NR1D2: variants seen among roughly 807,000 people sequenced by gnomAD.
NR1D2 encodes V-erbA-related protein 1-related.
In NR1D2, 25 loss-of-function variants were observed where a neutral mutation model predicts 52.2. That is an observed-to-expected ratio of 0.48 (90% CI 0.35 to 0.67). The LOEUF is 0.67. Ranked by LOEUF, NR1D2 falls within the 30% of genes least tolerant of loss-of-function variation. NR1D2 has a pLI of 0.01. For synonymous variants in NR1D2, 259 were observed against 230.1 expected, an observed-to-expected ratio of 1.13 and a Z score of -1.14; for missense variants, 681 against 707.2, an observed-to-expected ratio of 0.96 and a Z score of 0.42.
At chr3:23,967,610 C>G (rs1706483786) in intron 6 of NR1D2, among the ~76,000 whole-genome samples, 1 of 151,882 alleles carries the variant, frequency 6.6e-6, no homozygotes, top group Non-Finnish European at 1.5e-5. Context: ...GAACGAAACT[C>G]CATGTCAAAA....
rs373060067 is a variant in NR1D2 at position 23,950,232 on chromosome 3, G to A, written c.17-4305G>A. On this transcript the variant is annotated intron_variant, in intron 1 of 7. Transcript: ENST00000312521. ...TTCCAATTTTATAGAAGACCACTCA[G>A]GTTTAGAAAGATTGAAAGTGACTTG... Among the ~76,000 whole-genome samples, 14 of 152,340 alleles carry A rather than the reference G, an allele frequency of 9.2e-5. 1 individual carries two copies. In the South Asian group the frequency reaches 1.7e-3, roughly 18 times the overall value.
Position 23,959,711 on chromosome 3 carries a change from A to G in NR1D2, c.413A>G (p.Lys138Arg), listed in dbSNP as rs1263817134. The change falls in exon 4 of 8, where the codon AAG becomes AGG. Residue 138 changes from lysine to arginine, a missense_variant. By Grantham distance (26) the Lys-to-Arg change is conservative (BLOSUM62 2). Transcript: ENST00000312521. Reference sequence around the variant, plus strand: ...AGTATTCAACAAAACATCCAGTACAAGAAGTGCCTGAAGAATGAAAACTGT... The same window carrying G: ...AGTATTCAACAAAACATCCAGTACAGGAAGTGCCTGAAGAATGAAAACTGT... Reference protein sequence around the residue: ...RRSIQQNIQYKKCLKNENCSI... With the variant: ...RRSIQQNIQYRKCLKNENCSI... 2 of 1,613,920 alleles carry G rather than the reference A, an allele frequency of 1.2e-6. No homozygotes were observed. Among genetic ancestry groups the G allele is most frequent in the Non-Finnish European group, 1.7e-6 (2 of 1,179,928 alleles).
intron 7 of NR1D2, among the ~76,000 whole-genome samples, chr3:23,975,927 A>T (rs1038452284): frequency 6.6e-6 from 1 of 152,158 alleles, no homozygotes; most frequent in African/African-American, 2.4e-5. Context: ...ATATCCTTGT[A>T]AAAAAACGAA....
intron 7 of NR1D2, 133 bp downstream of exon 7, chr3:23,968,156 C>A: frequency 1.5e-6 from 1 of 664,224 alleles, no homozygotes; most frequent in South Asian, 1.9e-5. Flanking sequence ...AATTGTATGA[C>A]CCTGTTATTT....
chr3:23,957,390 C>CT (rs201651739), intron 3 of NR1D2, among the ~76,000 whole-genome samples: 2,945 of 110,362 alleles, frequency 0.027, 101 homozygotes, highest in African/African-American at 0.067. Flanking sequence ...CTCTATATAT[C>CT]TTTTTTTTTT....
Position 23,954,555 on chromosome 3 carries a change from TCA to T in NR1D2, c.36_37del (p.Ile12MetfsTer15). The stretch of plus-strand genomic sequence containing the variant: ...TTTCTAGGAGGTGTGATTGCCTATA[TCA>T]GTTCTTCCAGCTCAGCCTCAAGCCC... On this transcript the variant is annotated frameshift_variant, in exon 2 of 8. Transcript: ENST00000312521. LOFTEE classifies it high-confidence loss of function. The T allele has an allele frequency of 6.2e-7, 1 of 1,614,104 alleles. No individual in the cohort carries two copies. Among genetic ancestry groups the T allele is most frequent in the Non-Finnish European group, 8.5e-7 (1 of 1,179,958 alleles).
chr3:23,946,053 G>T (rs1705686976), intron 1 of NR1D2: 3 of 970,308 alleles, frequency 3.1e-6, no homozygotes, highest in Middle Eastern at 5.2e-4. Context: ...GCGCTGGCTG[G>T]GAGCGCCGCA....
At chr3:23,953,662 A>C (rs1212581833) in intron 1 of NR1D2, among the ~76,000 whole-genome samples, 1 of 152,134 alleles carries the variant, frequency 6.6e-6, no homozygotes, top group Non-Finnish European at 1.5e-5. Flanking sequence ...CCAAAACAGA[A>C]AGGTGTGGGA....
chr3:23,975,880 C>CTT (rs1559339412), intron 7 of NR1D2, among the ~76,000 whole-genome samples: 1 of 151,946 alleles, frequency 6.6e-6, no homozygotes, highest in African/African-American at 2.4e-5. Flanking sequence ...GGCAAATGAC[C>CTT]TTTTTCAGCT....
At chr3:23,961,179 G>A (rs1439429742) in intron 4 of NR1D2, among the ~76,000 whole-genome samples, 4 of 151,978 alleles carry the variant, frequency 2.6e-5, no homozygotes, top group East Asian at 1.9e-4. Flanking sequence ...TGAGAGCAAA[G>A]TTACAAAAAT....
chr3:23,964,159 A>G (rs1291329510), intron 5 of NR1D2, among the ~76,000 whole-genome samples: 1 of 150,760 alleles, frequency 6.6e-6, no homozygotes, highest in African/African-American at 2.4e-5. Context: ...GCTCACTGCA[A>G]CCTCCGCCTC....
chr3:23,962,355 A>T lies in NR1D2; in HGVS notation c.896A>T (p.Asp299Val), dbSNP rs150707682. 22 of 1,614,170 alleles carry T rather than the reference A, an allele frequency of 1.4e-5. No homozygotes were observed. Among genetic ancestry groups the T allele is most frequent in the Non-Finnish European group, 1.9e-5 (22 of 1,180,016 alleles). ...KNMEQYNLNH[D>V]HCGNGLSSHF... Reference sequence around the variant, plus strand: ...ATGGAGCAATATAATTTAAATCATGATCATTGCGGCAATGGGCTTAGCAGC... The same window carrying T: ...ATGGAGCAATATAATTTAAATCATGTTCATTGCGGCAATGGGCTTAGCAGC... Residue 299 changes from aspartate to valine, a missense_variant, in exon 5 of 8, where the codon GAT (aspartate) becomes GTT (valine). By Grantham distance (152) the Asp-to-Val change is radical (BLOSUM62 -3). Transcript: ENST00000312521.
chr3:23,966,271 A>T (rs567512313), intron 6 of NR1D2, among the ~76,000 whole-genome samples: 2 of 152,354 alleles, frequency 1.3e-5, no homozygotes, highest in South Asian at 4.1e-4. Context: ...TGGATTTATT[A>T]TAACGGAGGG....
intron 1 of NR1D2, among the ~76,000 whole-genome samples, chr3:23,947,745 G>A (rs143915089): frequency 8.3e-4 from 126 of 152,322 alleles, no homozygotes; most frequent in East Asian, 3.5e-3. Flanking sequence ...TTGGCCTTAA[G>A]TTCAAAGCTG....
chr3:23,948,250 G>C (rs1485000679), intron 1 of NR1D2, among the ~76,000 whole-genome samples: 1 of 152,196 alleles, frequency 6.6e-6, no homozygotes, highest in African/African-American at 2.4e-5. Flanking sequence ...CATTCAACCA[G>C]TGATCCTGTA....
At chr3:23,958,901 A>G (rs1706157732) in intron 3 of NR1D2, among the ~76,000 whole-genome samples, 1 of 152,212 alleles carries the variant, frequency 6.6e-6, no homozygotes, top group Non-Finnish European at 1.5e-5. Context: ...GTGAGCTGAG[A>G]TCGCACCACT....
At chr3:23,966,543 A>G (rs1417229206) in intron 6 of NR1D2, among the ~76,000 whole-genome samples, 1 of 152,246 alleles carries the variant, frequency 6.6e-6, no homozygotes, top group Non-Finnish European at 1.5e-5. Context: ...TTGGCAGCCT[A>G]AAGAGATTCT....
rs117428384 is a variant in NR1D2, at chr3:23,956,401, G to A, written c.372+276G>A. On this transcript the variant is annotated intron_variant, in intron 3 of 7. Transcript: ENST00000312521. ...TTGTGTTAAACCAAGTGCACCAAATGCTCATTCATTAATGTGTCAAGCACA... is the reference window on the plus strand; with the variant it reads ...TTGTGTTAAACCAAGTGCACCAAATACTCATTCATTAATGTGTCAAGCACA... Among the ~76,000 whole-genome samples the A allele has an allele frequency of 2.1e-3, 312 of 152,156 alleles. 4 individuals carry two copies. The East Asian group carries it at 0.022, about 11-fold the overall frequency.
At chr3:23,969,976 G>A (rs1457295066) in intron 7 of NR1D2, among the ~76,000 whole-genome samples, 2 of 152,174 alleles carry the variant, frequency 1.3e-5, no homozygotes, top group Non-Finnish European at 2.9e-5. Flanking sequence ...GAGGAAGGGG[G>A]ACAAAAGCCT....
Sources: gnomAD v4.1 joint callset for allele counts (sites outside exome capture counted in the v4.1 genomes callset) on GRCh38, gnomAD v4.1.1 for gene constraint, MANE v1.5 for transcripts, NCBI Gene and HGNC (gene_info 2026-07-23, HGNC 2026-07-21) for gene names.